Variants in ASRGL1 observed in about 807,000 individuals in gnomAD.
ASRGL1 encodes the protein asparaginase and isoaspartyl peptidase 1, also known as isoaspartyl peptidase/L-asparaginase.
A neutral mutation model predicts 22.4 loss-of-function variants in ASRGL1; 16 were observed. The ratio of observed to expected loss-of-function variants is 0.71; its 90% CI spans 0.48 to 1.08. The LOEUF is 1.08. Ranked by LOEUF, ASRGL1 falls within the 50% of genes least tolerant of loss-of-function variation. The pLI is 0.00. For missense variants in ASRGL1, 412 were observed against 410.1 expected (o/e 1.00, Z -0.04); for synonymous variants, 165 against 159.3 (o/e 1.04, Z -0.27).
rs770171289 is a variant in ASRGL1, at chr11:62,357,031, A to G, written c.378A>G (p.Ala126=). The G allele has an allele frequency of 6.2e-7, 1 of 1,614,068 alleles. No homozygotes were observed. Among genetic ancestry groups the G allele is most frequent in the South Asian group, 1.1e-5 (1 of 91,068 alleles). Residue 126 remains alanine (A), a synonymous_variant, in exon 4 of 7, where the codon GCA becomes GCG. Coordinates refer to ENST00000415229, the MANE Select transcript of ASRGL1 (RefSeq NM_001083926.2). ...FLTDQGAAQF[A]AAMGVPEIPG... is the part of the protein sequence containing the mutation. ...CTGACCAAGGCGCAGCGCAGTTTGC[A>G]GCAGCTATGGGGGTTCCAGAGATTC...
At chr11:62,362,481 T>TATATAATATATATTATATAAAATAC (rs1946460386) in intron 4 of ASRGL1, among the ~76,000 whole-genome samples, 1 of 82,628 alleles carries the variant, frequency 1.2e-5, no homozygotes, top group Non-Finnish European at 2.2e-5. Context: ...ATATAAAATA[T>TATATAATATATATTATATAAAATAC]ATATAATATA....
chr11:62,357,264 G>GTTTTGT (rs1399945062), intron 4 of ASRGL1, 120 bp downstream of exon 4: 11 of 1,256,242 alleles, frequency 8.8e-6, no homozygotes, highest in East Asian at 2.6e-5. Flanking sequence ...GTTTTGTTTT[G>GTTTTGT]TTTGACACGG....
Position 62,350,959 on chromosome 11 carries a change from A to G in ASRGL1, c.191-5366A>G, listed in dbSNP as rs535051703. ...TTTGCTTTCTTTTTCTTGCCTTCCTATGGGTTGTTTGAGCATTTTTTAGAA... is the reference window on the plus strand; with the variant it reads ...TTTGCTTTCTTTTTCTTGCCTTCCTGTGGGTTGTTTGAGCATTTTTTAGAA... On this transcript the variant is annotated intron_variant, in intron 2 of 6. Transcript: ENST00000415229. Among the ~76,000 whole-genome samples, 7 of 152,104 alleles carry G rather than the reference A, an allele frequency of 4.6e-5. No homozygotes were observed. The East Asian group carries it at 7.7e-4, about 17-fold the overall frequency.
At chr11:62,372,834 G>A (rs1946809810) in intron 4 of ASRGL1, 5 of 1,602,400 alleles carry the variant, frequency 3.1e-6, no homozygotes, top group Non-Finnish European at 4.3e-6. Flanking sequence ...TTTCTGGGGG[G>A]CCACCAACAC....
chr11:62,340,612 G>T (rs539696559), intron 2 of ASRGL1, among the ~76,000 whole-genome samples: 27 of 152,294 alleles, frequency 1.8e-4, no homozygotes, highest in African/African-American at 5.5e-4. Context: ...GTATCCAGAG[G>T]CCTTCCTTCT....
chr11:62,356,250 GCTGACC>G (rs1946291295), intron 2 of ASRGL1, 69 bp from the exon 3 acceptor site: 11 of 1,556,426 alleles, frequency 7.1e-6, no homozygotes, highest in Non-Finnish European at 9.6e-6. Flanking sequence ...CGGGCGGGGG[GCTGACC>G]CCCCCACCTC....
In ASRGL1 at chr11:62,392,370, A is replaced by G. The variant is rs1590765623; in HGVS notation, c.*86A>G. 16 of 1,463,186 alleles carry G rather than the reference A, an allele frequency of 1.1e-5. No individual in the cohort carries two copies. The East Asian group carries it at 3.7e-4, about 34-fold the overall frequency. The allele number at this position is 1,463,186 out of a possible 1,614,324, so 90.6% of individuals were successfully genotyped here. ...ACATAGCCTAATCAATTAGATCTAGAATTGGAAAAATTGTCCCGTCTGTCA... is the reference window on the plus strand; with the variant it reads ...ACATAGCCTAATCAATTAGATCTAGGATTGGAAAAATTGTCCCGTCTGTCA... On this transcript the variant is annotated 3_prime_UTR_variant, in exon 7 of 7. Coordinates refer to ENST00000415229, the MANE Select transcript of ASRGL1 (RefSeq NM_001083926.2).
At chr11:62,384,053 T>TG (rs1322964451) in intron 4 of ASRGL1, among the ~76,000 whole-genome samples, 1 of 151,860 alleles carries the variant, frequency 6.6e-6, no homozygotes, top group African/African-American at 2.4e-5. Flanking sequence ...TGTGTGTGTG[T>TG]TTGCCATTCA....
intron 2 of ASRGL1, among the ~76,000 whole-genome samples, chr11:62,350,401 T>C (rs551672153): frequency 5.9e-5 from 9 of 152,364 alleles, no homozygotes; most frequent in Admixed American, 2.6e-4. Flanking sequence ...TGAACATTCA[T>C]GAACACGTTT....
chr11:62,351,510 C>T (rs1480707153), intron 2 of ASRGL1, among the ~76,000 whole-genome samples: 1 of 152,102 alleles, frequency 6.6e-6, no homozygotes, highest in African/African-American at 2.4e-5. Flanking sequence ...ATTAGCTGGG[C>T]GTGGTGGCGG....
chr11:62,352,241 T>A (rs532587108), intron 2 of ASRGL1, among the ~76,000 whole-genome samples: 1 of 151,872 alleles, frequency 6.6e-6, no homozygotes, highest in East Asian at 1.9e-4. Context: ...CAAGAAGAGG[T>A]CATGGAGCAG....
rs989574190 is a variant in ASRGL1 at position 62,354,491 on chromosome 11, C to T, written c.191-1834C>T. 1.3e-4 allele frequency among the ~76,000 whole-genome samples: 19 copies of T among 151,990 alleles called. 1 individual carries two copies. Among genetic ancestry groups the T allele is most frequent in the African/African-American group, 3.4e-4 (14 of 41,360 alleles). Reference sequence around the variant, plus strand: ...TGATAATAAAAGAGAACAATTATAACAGTATGCCAGCATCACTACTCTTGT... The same window carrying T: ...TGATAATAAAAGAGAACAATTATAATAGTATGCCAGCATCACTACTCTTGT... On this transcript the variant is annotated intron_variant, in intron 2 of 6. Coordinates refer to ENST00000415229, the MANE Select transcript of ASRGL1 (RefSeq NM_001083926.2).
intron 4 of ASRGL1, among the ~76,000 whole-genome samples, chr11:62,361,595 C>G (rs1304067254): frequency 6.8e-6 from 1 of 146,052 alleles, no homozygotes; most frequent in South Asian, 2.2e-4. Flanking sequence ...TCAAGAGATT[C>G]TTCTGCCTCA....
At chr11:62,375,703 C>G (rs371004626) in intron 4 of ASRGL1, among the ~76,000 whole-genome samples, 14 of 151,624 alleles carry the variant, frequency 9.2e-5, no homozygotes, top group Admixed American at 3.9e-4. Flanking sequence ...GTAGGATTAT[C>G]CATCCATGTG....
chr11:62,358,178 A>G (rs1447937801), intron 4 of ASRGL1, among the ~76,000 whole-genome samples: 1 of 152,114 alleles, frequency 6.6e-6, no homozygotes, highest in Non-Finnish European at 1.5e-5. Context: ...AGACCAGCCT[A>G]GGCAACACGG....
intron 4 of ASRGL1, among the ~76,000 whole-genome samples, chr11:62,385,465 C>T (rs1947179002): frequency 6.6e-6 from 1 of 152,204 alleles, no homozygotes; most frequent in Non-Finnish European, 1.5e-5. Context: ...AGCCACTGTA[C>T]CTGGCTCTTA....
At chr11:62,368,628 C>G (rs1443061003) in intron 4 of ASRGL1, among the ~76,000 whole-genome samples, 3 of 152,008 alleles carry the variant, frequency 2.0e-5, no homozygotes, top group African/African-American at 7.3e-5. Context: ...GTACGGAGGA[C>G]CCACTCTGGC....
intron 2 of ASRGL1, among the ~76,000 whole-genome samples, chr11:62,350,742 G>T (rs1234798978): frequency 6.6e-6 from 1 of 152,170 alleles, no homozygotes; most frequent in Non-Finnish European, 1.5e-5. Flanking sequence ...GTTGCAGTGA[G>T]CCAAGATCAT....
chr11:62,387,238 G>A (rs10792350), intron 4 of ASRGL1, among the ~76,000 whole-genome samples: 50,980 of 151,916 alleles, frequency 0.34, 10,040 homozygotes, highest in Middle Eastern at 0.48. Flanking sequence ...CTCAGGTTGT[G>A]TCACTTCCTA....
Sources: allele counts gnomAD v4.1 joint callset (sites outside exome capture counted in the v4.1 genomes callset), GRCh38; gene constraint gnomAD v4.1.1; transcripts MANE v1.5; gene names NCBI Gene and HGNC (gene_info 2026-07-23, HGNC 2026-07-21).